KIF15: variants seen among roughly 807,000 people sequenced by gnomAD.
KIF15 encodes the protein kinesin-like protein KIF15.
KIF15 carries 140 observed loss-of-function variants against 190.6 expected under a neutral mutation model. The ratio of observed to expected loss-of-function variants is 0.73; its 90% CI spans 0.64 to 0.84. The LOEUF (loss-of-function observed/expected upper bound fraction) is 0.84, where lower values mean the gene tolerates loss of function less well. KIF15 is among the 40% of genes least tolerant of loss of function. KIF15 has a pLI of 0.00. For synonymous variants in KIF15, 528 were observed against 551.3 expected (o/e 0.96, Z 0.59); for missense variants, 1,372 against 1,584.4 (o/e 0.87, Z 2.28).
chr3:44,781,865 A>G (rs1198964431), intron 5 of KIF15, among the ~76,000 whole-genome samples: 4 of 152,216 alleles, frequency 2.6e-5, no homozygotes, highest in African/African-American at 9.6e-5. Context: ...CATTTAAAAA[A>G]TTAGCTTGAC....
At chr3:44,792,050 G>T (rs1233838417) in intron 7 of KIF15, among the ~76,000 whole-genome samples, 2 of 129,552 alleles carry the variant, frequency 1.5e-5, no homozygotes, top group African/African-American at 2.9e-5. Flanking sequence ...TTTGGAATTT[G>T]TCTCAGTTTG....
At chr3:44,790,478 G>A (rs1397208478) in intron 7 of KIF15, among the ~76,000 whole-genome samples, 2 of 152,128 alleles carry the variant, frequency 1.3e-5, no homozygotes, top group Admixed American at 1.3e-4. Flanking sequence ...AAGTGAAATG[G>A]AGGACCTGCT....
intron 1 of KIF15, 24 bp from the exon 2 acceptor site, chr3:44,774,371 T>G (rs1384950568): frequency 1.9e-6 from 3 of 1,606,628 alleles, no homozygotes; most frequent in Non-Finnish European, 2.6e-6. Flanking sequence ...TTAAATGACC[T>G]TTAATAACTT....
intron 4 of KIF15, among the ~76,000 whole-genome samples, chr3:44,779,327 G>C (rs945192496): frequency 6.6e-6 from 1 of 152,108 alleles, no homozygotes; most frequent in African/African-American, 2.4e-5. Context: ...ATTGGAGCAT[G>C]GTATTTAGAA....
At chr3:44,868,222 C>T (rs187007158) in intron 6 of KIF15, among the ~76,000 whole-genome samples, 83 of 152,214 alleles carry the variant, frequency 5.5e-4, no homozygotes, top group Non-Finnish European at 8.4e-4. Flanking sequence ...CAATATATGG[C>T]CTTTTGGGTC....
Position 44,805,851 on chromosome 3 carries a change from G to T in KIF15, c.1836G>T (p.Arg612Ser). ...GTTTTACAATATCTATTAGGAAAAG[G>T]CAGCTAGAATTGGAATCAGAGCTTC... ...YEEFKELTRK[R>S]QLELESELQS... The change falls in exon 16 of 35, where the codon AGG becomes AGT. Residue 612 changes from arginine (R) to serine (S), a missense_variant. Arg to Ser is a moderately radical substitution (Grantham distance 110, BLOSUM62 -1). Transcript: ENST00000326047. 2 of 1,612,618 alleles carry T rather than the reference G, an allele frequency of 1.2e-6. No individual in the cohort carries two copies. The highest frequency in any genetic ancestry group is 1.7e-6 in the Non-Finnish European group (2 of 1,179,602).
intron 1 of KIF15, among the ~76,000 whole-genome samples, chr3:44,762,667 ACTT>A (rs1180105828): frequency 1.3e-5 from 2 of 152,066 alleles, no homozygotes; most frequent in African/African-American, 4.8e-5. Context: ...GAATTTGTGA[ACTT>A]CTGTCATTTG....
chr3:44,817,602 C>A (rs1456707662), intron 20 of KIF15, among the ~76,000 whole-genome samples: 1 of 152,134 alleles, frequency 6.6e-6, no homozygotes, highest in Non-Finnish European at 1.5e-5. Context: ...TGGTCTATAT[C>A]TCTGTTTTGG....
Position 44,802,857 on chromosome 3 carries a change from A to T in KIF15, c.1553A>T (p.His518Leu), listed in dbSNP as rs1244421885. 1 of 1,600,182 alleles carries T rather than the reference A, an allele frequency of 6.2e-7. No individual in the cohort carries two copies. Among genetic ancestry groups the T allele is most frequent in the African/African-American group, 1.4e-5 (1 of 73,952 alleles). The change falls in exon 14 of 35, where the codon CAT (histidine) becomes CTT (leucine). Residue 518 changes from histidine to leucine, a missense_variant. Physicochemically the swap from His to Leu is moderately conservative, Grantham distance 99. Transcript: ENST00000326047. ...GTTGCAAAGTATGCTATGGAAAATC[A>T]TTCCCTCAGGGAGGAGAATAGAAGA... Reference protein sequence around the residue: ...PRVAKYAMENHSLREENRRLR... With the variant: ...PRVAKYAMENLSLREENRRLR...
rs1034702223 is a variant in KIF15 at position 44,761,817 on chromosome 3, G to A, written c.-49G>A. 1 of 1,613,610 alleles carries A rather than the reference G, an allele frequency of 6.2e-7. No homozygotes were observed. The highest frequency in any genetic ancestry group is 1.7e-5 in the Admixed American group (1 of 60,010). ...TCAGTCGCGCGCGGTGCAGTCGGGA[G>A]GTGGAGGCACCGGCTGCATTGTTTT... On this transcript the variant is annotated 5_prime_UTR_variant, in exon 1 of 35. Transcript: ENST00000326047.
chr3:44,794,543 T>G (rs1706880201), intron 8 of KIF15, 117 bp downstream of exon 8: 1 of 732,750 alleles, frequency 1.4e-6, no homozygotes, highest in Admixed American at 2.9e-5. Flanking sequence ...TGGGGGTCCC[T>G]TAAGAGTATA....
intron 24 of KIF15, among the ~76,000 whole-genome samples, chr3:44,829,374 ATGTGTGTG>A (rs547572565): frequency 1.5e-5 from 2 of 136,824 alleles, no homozygotes; most frequent in Non-Finnish European, 3.1e-5. Flanking sequence ...ATATATATAT[ATGTGTGTG>A]TGTGTGTGTG....
At chr3:44,791,026 C>T (rs915737236) in intron 7 of KIF15, among the ~76,000 whole-genome samples, 2 of 152,126 alleles carry the variant, frequency 1.3e-5, no homozygotes, top group African/African-American at 4.8e-5. Context: ...AACCACATAG[C>T]TATACTTTGC....
intron 6 of KIF15, chr3:44,864,272 C>A (rs563466758): frequency 1.2e-6 from 2 of 1,614,158 alleles, no homozygotes; most frequent in African/African-American, 1.3e-5. Flanking sequence ...CTTCTTTAGC[C>A]GGGGCCTCAG....
chr3:44,804,229 C>A (rs970879584), intron 14 of KIF15, among the ~76,000 whole-genome samples: 1 of 152,130 alleles, frequency 6.6e-6, no homozygotes, highest in African/African-American at 2.4e-5. Context: ...CTCCATAATA[C>A]CTTGACTTAC....
intron 6 of KIF15, chr3:44,861,872 C>A: frequency 1.3e-6 from 2 of 1,485,406 alleles, no homozygotes; most frequent in Non-Finnish European, 1.8e-6. Flanking sequence ...CCAATCGCGG[C>A]GCGCGCTCTG....
intron 16 of KIF15, among the ~76,000 whole-genome samples, chr3:44,809,216 T>C (rs2125652987): frequency 6.6e-6 from 1 of 152,356 alleles, no homozygotes; most frequent in South Asian, 2.1e-4. Flanking sequence ...ATTTCTCTAA[T>C]TTCAAATATC....
At chr3:44,821,033 A>C (rs1236813393) in intron 20 of KIF15, among the ~76,000 whole-genome samples, 5 of 86,630 alleles carry the variant, frequency 5.8e-5, no homozygotes, top group African/African-American at 4.7e-5. Context: ...GGGGGGGCTG[A>C]CCCCCCCACC....
At chr3:44,796,321 T>G (rs181180603) in intron 8 of KIF15, among the ~76,000 whole-genome samples, 1 of 152,334 alleles carries the variant, frequency 6.6e-6, no homozygotes, top group Non-Finnish European at 1.5e-5. Flanking sequence ...ATTGTGCCAC[T>G]GTGCTCCAAC....
Sources: allele counts gnomAD v4.1 joint callset (sites outside exome capture counted in the v4.1 genomes callset), GRCh38; gene constraint gnomAD v4.1.1; transcripts MANE v1.5; gene names NCBI Gene and HGNC (gene_info 2026-07-23, HGNC 2026-07-21).